Variants in ZNF652 observed in about 807,000 individuals in gnomAD.
ZNF652 encodes the protein zinc finger protein 652.
In ZNF652, 16 loss-of-function variants were observed where a neutral mutation model predicts 45.2. The observed-to-expected ratio is 0.35, with a 90% CI of 0.24 to 0.54. The LOEUF (loss-of-function observed/expected upper bound fraction) is 0.54, where lower values mean the gene tolerates loss of function less well. Ranked by LOEUF, ZNF652 falls within the 20% of genes least tolerant of loss-of-function variation. The probability of loss-of-function intolerance (pLI) is 0.91; values close to 1 mark genes in which losing one functional copy is unlikely to be tolerated. For missense variants in ZNF652, 614 were observed against 765.6 expected, an observed-to-expected ratio of 0.80 and a Z score of 2.34; for synonymous variants, 250 against 260.6, an observed-to-expected ratio of 0.96 and a Z score of 0.39.
At chr17:49,351,333 G>C (rs2070281047) in intron 1 of ZNF652, among the ~76,000 whole-genome samples, 1 of 151,660 alleles carries the variant, frequency 6.6e-6, no homozygotes, top group African/African-American at 2.4e-5. Flanking sequence ...CATATTTTTG[G>C]ATGTAGCCAT....
intron 1 of ZNF652, among the ~76,000 whole-genome samples, chr17:49,338,991 C>T (rs1178526156): frequency 1.3e-5 from 2 of 152,116 alleles, no homozygotes; most frequent in Non-Finnish European, 2.9e-5. Context: ...CTTCCACCAG[C>T]CTCCTCCTCT....
In ZNF652 at chr17:49,351,034, C is replaced by T. The variant is rs1159487949; in HGVS notation, c.-259+10875G>A. Among the ~76,000 whole-genome samples the T allele has an allele frequency of 6.7e-3, 873 of 130,754 alleles. 18 individuals carry two copies. The highest frequency in any genetic ancestry group is 0.017 in the African/African-American group (557 of 32,640). The allele number at this position is 130,754 out of a possible 152,430, so 85.8% of individuals were successfully genotyped here. A position where few individuals can be genotyped will look rare whatever the true frequency, so the allele number is the denominator to read the frequency against. The stretch of plus-strand genomic sequence containing the variant: ...ATATATACACACACACACACACACA[C>T]ACACACACACACACACACACATATT... On this transcript the variant is annotated intron_variant, in intron 1 of 5. Coordinates refer to ENST00000430262, the MANE Select transcript of ZNF652 (RefSeq NM_001145365.3).
intron 5 of ZNF652, among the ~76,000 whole-genome samples, chr17:49,309,329 T>TAAAAAAAA (rs11307814): frequency 3.0e-5 from 2 of 66,310 alleles, no homozygotes; most frequent in African/African-American, 1.2e-4. Context: ...CTGTCTCTAC[T>TAAAAAAAA]AAAAAAAAAA....
intron 5 of ZNF652, among the ~76,000 whole-genome samples, chr17:49,303,569 T>G (rs951113257): frequency 5.9e-5 from 9 of 152,052 alleles, no homozygotes; most frequent in African/African-American, 2.2e-4. Flanking sequence ...TTAAATATGA[T>G]TTACTTGTAC....
intron 1 of ZNF652, among the ~76,000 whole-genome samples, chr17:49,339,197 ATTTTTTT>A (rs34574898): frequency 2.9e-4 from 35 of 119,538 alleles, no homozygotes; most frequent in African/African-American, 9.4e-4. Flanking sequence ...GAGTTAGGAA[ATTTTTTT>A]TTTTTTTTTT....
chr17:49,309,045 G>A (rs966970073), intron 5 of ZNF652, among the ~76,000 whole-genome samples: 1 of 152,018 alleles, frequency 6.6e-6, no homozygotes, highest in African/African-American at 2.4e-5. Flanking sequence ...GGAATGGGGA[G>A]AAAAACACAC....
chr17:49,332,815 T>C (rs2070038621), intron 1 of ZNF652, among the ~76,000 whole-genome samples: 3 of 152,206 alleles, frequency 2.0e-5, no homozygotes, highest in African/African-American at 7.2e-5. Context: ...GTTTGTAAAT[T>C]AAATTTTTCT....
At chr17:49,306,569 G>A (rs1200038040) in intron 5 of ZNF652, among the ~76,000 whole-genome samples, 1 of 152,132 alleles carries the variant, frequency 6.6e-6, no homozygotes, top group Non-Finnish European at 1.5e-5. Context: ...TTACAGACGT[G>A]AGTCACTGCA....
intron 1 of ZNF652, among the ~76,000 whole-genome samples, chr17:49,336,942 G>GTTTTTTTT (rs200178711): frequency 1.4e-3 from 162 of 115,106 alleles, no homozygotes; most frequent in African/African-American, 5.0e-3. Context: ...TCTTAATGGT[G>GTTTTTTTT]TTTTTTTTTT....
At chr17:49,327,735 ATATAT>A (rs1567690309) in intron 1 of ZNF652, among the ~76,000 whole-genome samples, 50 of 4,902 alleles carry the variant, frequency 0.01, no homozygotes, top group East Asian at 0.046. Flanking sequence ...AAATAAATAT[ATATAT>A]ATATATATAT....
chr17:49,327,768 TA>T (rs2069978177), intron 1 of ZNF652, among the ~76,000 whole-genome samples: 93 of 5,650 alleles, frequency 0.016, no homozygotes, highest in African/African-American at 0.047. Flanking sequence ...TATATATATA[TA>T]TATATATATA....
chr17:49,334,687 G>A (rs755271506), intron 1 of ZNF652, among the ~76,000 whole-genome samples: 2 of 151,792 alleles, frequency 1.3e-5, no homozygotes, highest in Non-Finnish European at 2.9e-5. Flanking sequence ...GCTGAAGCAG[G>A]AGAATTGCTT....
At chr17:49,327,779 ATTTTT>A (rs375857868) in intron 1 of ZNF652, among the ~76,000 whole-genome samples, 7 of 4,092 alleles carry the variant, frequency 1.7e-3, no homozygotes, top group African/African-American at 4.5e-3. Flanking sequence ...ATATATATAT[ATTTTT>A]TTTTTTTTTT....
At chr17:49,331,262 C>T (rs1213257096) in intron 1 of ZNF652, among the ~76,000 whole-genome samples, 1 of 151,616 alleles carries the variant, frequency 6.6e-6, no homozygotes, top group Non-Finnish European at 1.5e-5. Flanking sequence ...GCTGGGACTA[C>T]AGGTGCCCGC....
chr17:49,352,581 TTCTTA>T (rs1471915317), intron 1 of ZNF652, among the ~76,000 whole-genome samples: 1 of 152,182 alleles, frequency 6.6e-6, no homozygotes, highest in Non-Finnish European at 1.5e-5. Context: ...ATTTGGTAAT[TTCTTA>T]TAAGTTAAAG....
intron 2 of ZNF652, 42 bp downstream of exon 2, chr17:49,316,784 G>A (rs2069810281): frequency 6.4e-7 from 1 of 1,564,100 alleles, no homozygotes; most frequent in South Asian, 1.2e-5. Context: ...GAACAGCCAG[G>A]TTCTATCCTG....
intron 1 of ZNF652, among the ~76,000 whole-genome samples, chr17:49,349,216 G>A (rs751667614): frequency 3.3e-5 from 5 of 152,146 alleles, no homozygotes; most frequent in Non-Finnish European, 5.9e-5. Flanking sequence ...GAGGTCAGGA[G>A]TTCAAGACCA....
chr17:49,339,865 C>A (rs2070126248), intron 1 of ZNF652, among the ~76,000 whole-genome samples: 1 of 152,234 alleles, frequency 6.6e-6, no homozygotes, highest in South Asian at 2.1e-4. Context: ...TCCCGAGTAT[C>A]TGGGACAACA....
At position 49,317,408 on chromosome 17, in the gene ZNF652, T is replaced by C. The variant is rs757302995; in HGVS notation, c.318A>G (p.Glu106=). ...DRENSDDTEE[E]EEEVSYKREQ... ...CCCTTTTGTAAGAGACTTCTTCCTC[T>C]TCCTCCTCTGTGTCATCAGAATTCT... is the stretch of plus-strand genomic sequence containing the variant. The change falls in exon 2 of 6, where the codon GAA becomes GAG. Residue 106 remains glutamate (E), a synonymous_variant. Transcript: ENST00000430262. 6.2e-7 allele frequency: 1 copy of C among 1,614,188 alleles called. No individual in the cohort carries two copies. The highest frequency in any genetic ancestry group is 1.1e-5 in the South Asian group (1 of 91,090).
Sources: gnomAD v4.1 joint callset for allele counts (sites outside exome capture counted in the v4.1 genomes callset) on GRCh38, gnomAD v4.1.1 for gene constraint, MANE v1.5 for transcripts, NCBI Gene and HGNC (gene_info 2026-07-23, HGNC 2026-07-21) for gene names.